Variants in CCDC186 observed in about 807,000 individuals in gnomAD.
CCDC186 encodes the protein coiled-coil domain containing 186, also known as coiled-coil domain-containing protein 186.
Under a neutral mutation model 113.7 loss-of-function variants are expected in CCDC186, and 49 were observed. That is an observed-to-expected ratio of 0.43 (90% CI 0.34 to 0.55). The LOEUF (loss-of-function observed/expected upper bound fraction) is 0.55, where lower values mean the gene tolerates loss of function less well. Ranked by LOEUF, CCDC186 falls within the 20% of genes least tolerant of loss-of-function variation. The pLI, the probability that CCDC186 is intolerant of heterozygous loss-of-function variation, is 0.02. For missense variants in CCDC186, 890 were observed against 1,011.1 expected (o/e 0.88, Z 1.62); for synonymous variants, 355 against 345.8 (o/e 1.03, Z -0.30).
At chr10:114,146,852 T>C (rs749799661) in intron 4 of CCDC186, among the ~76,000 whole-genome samples, 15 of 152,356 alleles carry the variant, frequency 9.8e-5, no homozygotes, top group Non-Finnish European at 1.9e-4. Context: ...TATGCTTTGA[T>C]GAAAAATGGC....
chr10:114,159,393 C>T (rs760282165), intron 2 of CCDC186, among the ~76,000 whole-genome samples: 8 of 151,986 alleles, frequency 5.3e-5, no homozygotes, highest in Non-Finnish European at 1.0e-4. Flanking sequence ...AATTTTGGTC[C>T]CAGCACTTTG....
chr10:114,169,876 T>C (rs1042871869), intron 1 of CCDC186, among the ~76,000 whole-genome samples: 2 of 152,178 alleles, frequency 1.3e-5, no homozygotes, highest in African/African-American at 4.8e-5. Context: ...AAAGATACTT[T>C]CTGGATAAAG....
intron 10 of CCDC186, among the ~76,000 whole-genome samples, chr10:114,133,722 T>C (rs941965367): frequency 1.3e-5 from 2 of 152,174 alleles, no homozygotes; most frequent in Non-Finnish European, 2.9e-5. Context: ...GGGTCTGAAA[T>C]GTGTCTACCA....
rs371651687 is a variant in CCDC186, at chr10:114,137,169, T to G, written c.1326+17A>C. The stretch of plus-strand genomic sequence containing the variant: ...TGCTAAAATTTGATACTAATCTATT[T>G]TAAAAGTTATGCATACCTGATATGT... On this transcript the variant is annotated intron_variant, in intron 7 of 15. Transcript: ENST00000369287. 4.5e-6 allele frequency: 7 copies of G among 1,565,286 alleles called. No individual in the cohort carries two copies. The highest frequency in any genetic ancestry group is 6.1e-6 in the Non-Finnish European group (7 of 1,138,498).
At chr10:114,150,955 G>T in intron 4 of CCDC186, 137 bp downstream of exon 4, 2 of 1,035,398 alleles carry the variant, frequency 1.9e-6, no homozygotes, top group Non-Finnish European at 2.7e-6. Context: ...CTGGCCTAAT[G>T]GCTTACTTTT....
At position 114,121,080 on chromosome 10, in the gene CCDC186, G is replaced by T. The variant is rs996541283; in HGVS notation, c.*4063C>A. The stretch of plus-strand genomic sequence containing the variant: ...GATAGCGATTTGCATTTTAGAAAAA[G>T]AATTCCATTCCAGAAGAAAAATACA... On this transcript the variant is annotated 3_prime_UTR_variant, in exon 16 of 16. Transcript: ENST00000369287. 1.3e-5 allele frequency: 2 copies of T among 152,050 alleles called. No individual in the cohort carries two copies. The highest frequency in any genetic ancestry group is 6.6e-5 in the Admixed American group (1 of 15,258). 9.4% of individuals were successfully genotyped at this position (152,050 alleles called of 1,614,324 possible).
chr10:114,122,811 G>A lies in CCDC186; in HGVS notation c.*2332C>T, dbSNP rs1334753018. On this transcript the variant is annotated 3_prime_UTR_variant, in exon 16 of 16. Coordinates refer to ENST00000369287, the MANE Select transcript of CCDC186 (RefSeq NM_018017.4). ...CAGTGAAGAACAGAAGAAAACTAAA[G>A]CATTTTCTTTAAAAAATTTCCAGTT... 1 of 152,118 alleles carries A rather than the reference G, an allele frequency of 6.6e-6. No homozygotes were observed. The highest frequency in any genetic ancestry group is 1.5e-5 in the Non-Finnish European group (1 of 68,010). The allele number at this position is 152,118 out of a possible 1,614,324, so 9.4% of individuals were successfully genotyped here. A position where few individuals can be genotyped will look rare whatever the true frequency, so the allele number is the denominator to read the frequency against.
rs2030946544 is a variant in CCDC186 at position 114,127,579 on chromosome 10, C to A, written c.2275G>T (p.Ala759Ser). The change falls in exon 14 of 16, where the codon GCC becomes TCC. Residue 759 changes from alanine (A) to serine (S), a missense_variant. Ala to Ser is a moderately conservative substitution (Grantham distance 99). Coordinates refer to ENST00000369287, the MANE Select transcript of CCDC186 (RefSeq NM_018017.4). Reference protein sequence around the residue: ...AVDNFPQVDKAMLIERIVRLQ... With the variant: ...AVDNFPQVDKSMLIERIVRLQ... ...CTAACTATTCTCTCAATCAACATGG[C>A]CTTATCTACTTGTGGAAAGTTATCC... The A allele has an allele frequency of 6.2e-7, 1 of 1,614,020 alleles. No individual in the cohort carries two copies. The highest frequency in any genetic ancestry group is 8.5e-7 in the Non-Finnish European group (1 of 1,179,996).
Position 114,151,189 on chromosome 10 carries a change from T to A in CCDC186, c.791A>T (p.Glu264Val), listed in dbSNP as rs1332032384. Reference protein sequence around the residue: ...LESRIEELNKEVKASRDQLIA... With the variant: ...LESRIEELNKVVKASRDQLIA... ...TAGTTGATCTCTGGAAGCTTTAACT[T>A]CTTTATTAAGTTCTTCTATTCTTGA... is the stretch of plus-strand genomic sequence containing the variant. Residue 264 changes from glutamate to valine, a missense_variant, in exon 4 of 16, where the codon GAA becomes GTA. Transcript: ENST00000369287. The A allele has an allele frequency of 6.3e-7, 1 of 1,592,728 alleles. No individual in the cohort carries two copies. The highest frequency in any genetic ancestry group is 1.7e-5 in the Admixed American group (1 of 59,748).
At chr10:114,154,924 T>TGCTACAA (rs2031966443) in intron 3 of CCDC186, among the ~76,000 whole-genome samples, 1 of 152,200 alleles carries the variant, frequency 6.6e-6, no homozygotes, top group Non-Finnish European at 1.5e-5. Context: ...TACTGATACA[T>TGCTACAA]GCTACAACTT....
At chr10:114,142,591 C>T (rs2031504920) in intron 6 of CCDC186, among the ~76,000 whole-genome samples, 1 of 152,182 alleles carries the variant, frequency 6.6e-6, no homozygotes, top group Non-Finnish European at 1.5e-5. Flanking sequence ...AACACATTTT[C>T]AGTTAAATCC....
At chr10:114,165,848 T>TAAAAAAAAAAAAAAA (rs1564919884) in intron 1 of CCDC186, 1 of 228,830 alleles carries the variant, frequency 4.4e-6, no homozygotes, top group African/African-American at 3.4e-4. Flanking sequence ...ACACTTTGTC[T>TAAAAAAAAAAAAAAA]CAAAAAAAAA....
chr10:114,137,418 A>G, intron 6 of CCDC186, 128 bp from the exon 7 acceptor site: 2 of 623,626 alleles, frequency 3.2e-6, no homozygotes, highest in Non-Finnish European at 5.7e-6. Context: ...TCTAGCAATA[A>G]TATTTTATGT....
intron 4 of CCDC186, among the ~76,000 whole-genome samples, chr10:114,147,277 G>A (rs2031674730): frequency 6.6e-6 from 1 of 152,102 alleles, no homozygotes; most frequent in Non-Finnish European, 1.5e-5. Context: ...AGTGAGAAAG[G>A]CATATAAACA....
At chr10:114,136,583 T>C (rs1260751859) in intron 7 of CCDC186, among the ~76,000 whole-genome samples, 1 of 152,220 alleles carries the variant, frequency 6.6e-6, no homozygotes, top group African/African-American at 2.4e-5. Flanking sequence ...AAATACATAG[T>C]ATACCTAAAA....
rs765598207 is a variant in CCDC186, at chr10:114,144,607, T to C, written c.1111A>G (p.Thr371Ala). The C allele has an allele frequency of 8.1e-6, 13 of 1,607,344 alleles. No homozygotes were observed. The highest frequency in any genetic ancestry group is 1.3e-5 in the African/African-American group (1 of 74,650). ...HQLYETKEGE[T>A]TRLIREIDKL... Reference sequence around the variant, plus strand: ...TCTATTTCTCTGATGAGTCTAGTCGTTTCGCCTTCCTAAAATAATATCACT... The same window carrying C: ...TCTATTTCTCTGATGAGTCTAGTCGCTTCGCCTTCCTAAAATAATATCACT... Residue 371 changes from threonine (T) to alanine (A), a missense_variant, in exon 6 of 16, where the codon ACG becomes GCG. Transcript: ENST00000369287.
At chr10:114,149,778 CAGGAAGGCAGGAAGGA>C (rs1564912951) in intron 4 of CCDC186, among the ~76,000 whole-genome samples, 25 of 14,508 alleles carry the variant, frequency 1.7e-3, no homozygotes, top group Admixed American at 7.2e-3. Context: ...GGAAGGAAGG[CAGGAAGGCAGGAAGGA>C]AGGAAGGAAG....
chr10:114,150,470 T>C (rs1047682100), intron 4 of CCDC186, among the ~76,000 whole-genome samples: 1 of 152,208 alleles, frequency 6.6e-6, no homozygotes, highest in African/African-American at 2.4e-5. Flanking sequence ...GTGTGACTTG[T>C]ACATGTATAT....
At chr10:114,159,928 A>G (rs1321897198) in intron 2 of CCDC186, among the ~76,000 whole-genome samples, 2 of 151,952 alleles carry the variant, frequency 1.3e-5, no homozygotes, top group African/African-American at 4.8e-5. Flanking sequence ...CACCCACTAC[A>G]CTCCAGCTTG....
Sources: allele counts gnomAD v4.1 joint callset (sites outside exome capture counted in the v4.1 genomes callset), GRCh38; gene constraint gnomAD v4.1.1; transcripts MANE v1.5; gene names NCBI Gene and HGNC (gene_info 2026-07-23, HGNC 2026-07-21).